Variants in KDM1B observed in about 807,000 individuals in gnomAD.
KDM1B encodes lysine demethylase 1B.
Under a neutral mutation model 107.4 loss-of-function variants are expected in KDM1B, and 63 were observed. The ratio of observed to expected loss-of-function variants is 0.59; its 90% CI spans 0.48 to 0.72. KDM1B has a LOEUF of 0.72. Among genes scored for constraint, KDM1B ranks in the 30% least tolerant of loss-of-function variants. The probability of loss-of-function intolerance (pLI) is 0.00; values close to 1 mark genes in which losing one functional copy is unlikely to be tolerated. For missense variants in KDM1B, 749 were observed against 1,020.8 expected (o/e 0.73, Z 3.63); for synonymous variants, 363 against 363.9 (o/e 1.00, Z 0.03).
intron 12 of KDM1B, among the ~76,000 whole-genome samples, chr6:18,199,008 GAAAAAAAAAAAAA>G (rs70974711): frequency 8.0e-5 from 6 of 74,696 alleles, no homozygotes; most frequent in South Asian, 4.7e-4. Flanking sequence ...GTCTCTACCA[GAAAAAAAAAAAAA>G]AAAAAAAAAA....
chr6:18,178,212 A>C (rs1033151584), intron 7 of KDM1B, among the ~76,000 whole-genome samples: 1 of 151,722 alleles, frequency 6.6e-6, no homozygotes, highest in Non-Finnish European at 1.5e-5. Context: ...CCTCCTGAGT[A>C]GCTGGGATTA....
chr6:18,175,709 A>G (rs1046989091), intron 7 of KDM1B, among the ~76,000 whole-genome samples: 2 of 152,128 alleles, frequency 1.3e-5, no homozygotes, highest in Admixed American at 6.6e-5. Context: ...TCCCAGCACC[A>G]TTTGTTGTAA....
Position 18,197,662 on chromosome 6 carries a change from G to A in KDM1B, c.1221+1G>A. 6.2e-7 allele frequency: 1 copy of A among 1,613,216 alleles called. No individual in the cohort carries two copies. Among genetic ancestry groups the A allele is most frequent in the Non-Finnish European group, 8.5e-7 (1 of 1,179,250 alleles). ...GCAACTGCATAACTTTGGAATTAAG[G>A]TAGGATTTTGGGGACATGGAGTTAG... On this transcript the variant is annotated splice_donor_variant, in intron 12 of 21. Coordinates refer to ENST00000650836, the MANE Select transcript of KDM1B (RefSeq NM_001364614.2). LOFTEE classifies it high-confidence loss of function. This position sits in a 1 kb window ranked among gnomAD's most constrained non-coding sequence, Gnocchi z 4.5.
chr6:18,213,634 C>A lies in KDM1B; in HGVS notation c.1984-22C>A, dbSNP rs773388203. The stretch of plus-strand genomic sequence containing the variant: ...TTTGTGACGACAGACACCTAACCAC[C>A]TTTCTTCTGCTCACTTTGCAGATTG... On this transcript the variant is annotated intron_variant, in intron 18 of 21. Coordinates refer to ENST00000650836, the MANE Select transcript of KDM1B (RefSeq NM_001364614.2). This position sits in a 1 kb window ranked among gnomAD's most constrained non-coding sequence, Gnocchi z 5.9. 11 of 1,613,736 alleles carry A rather than the reference C, an allele frequency of 6.8e-6. No individual in the cohort carries two copies. The highest frequency in any genetic ancestry group is 9.3e-6 in the Non-Finnish European group (11 of 1,179,774).
At chr6:18,198,109 C>T (rs764759975) in intron 12 of KDM1B, among the ~76,000 whole-genome samples, 3 of 151,656 alleles carry the variant, frequency 2.0e-5, no homozygotes, top group East Asian at 1.9e-4. Context: ...TTGGCCAGGC[C>T]GGTCTTGAAC....
chr6:18,185,506 T>C (rs1042074928), intron 7 of KDM1B, among the ~76,000 whole-genome samples: 1 of 152,178 alleles, frequency 6.6e-6, no homozygotes, highest in Admixed American at 6.6e-5. Flanking sequence ...TTCACTATTT[T>C]GGCCAGGCTG....
At chr6:18,183,274 T>TTTG (rs1786607652) in intron 7 of KDM1B, among the ~76,000 whole-genome samples, 1 of 142,860 alleles carries the variant, frequency 7.0e-6, no homozygotes, top group Non-Finnish European at 1.5e-5. Flanking sequence ...TTTTTTTTTT[T>TTTG]TTTTTTTTTT....
At chr6:18,156,645 A>G (rs1784629529) in intron 2 of KDM1B, among the ~76,000 whole-genome samples, 1 of 152,080 alleles carries the variant, frequency 6.6e-6, no homozygotes, top group Non-Finnish European at 1.5e-5. Context: ...TGAATATTGA[A>G]TAATTCAATA....
chr6:18,220,660 C>T (rs1282953039), intron 21 of KDM1B, among the ~76,000 whole-genome samples: 1 of 152,234 alleles, frequency 6.6e-6, no homozygotes, highest in Non-Finnish European at 1.5e-5. Context: ...CAACAAATGT[C>T]AGCAGCTTCG....
At chr6:18,192,376 T>G (rs1292937124) in intron 10 of KDM1B, among the ~76,000 whole-genome samples, 1 of 152,222 alleles carries the variant, frequency 6.6e-6, no homozygotes, top group Non-Finnish European at 1.5e-5. Flanking sequence ...CAAAGTGATC[T>G]TGACTAAAGA....
chr6:18,207,621 G>A (rs1192584436), intron 16 of KDM1B, 92 bp downstream of exon 16: 2 of 1,514,154 alleles, frequency 1.3e-6, no homozygotes, highest in Non-Finnish European at 1.8e-6. Flanking sequence ...AATGGGGCTG[G>A]CTTTGGTGTT....
At chr6:18,208,788 G>T (rs2151006838) in intron 17 of KDM1B, among the ~76,000 whole-genome samples, 1 of 147,314 alleles carries the variant, frequency 6.8e-6, no homozygotes, top group Non-Finnish European at 1.5e-5. Context: ...GGGACTACAG[G>T]CACCCGCCAT....
In KDM1B at chr6:18,155,536, C is replaced by T. The variant is rs1018578347; in HGVS notation, c.-93C>T. ...GCGGCTCCGGAGAGGCGCCCGCAGT[C>T]CAGGGCGGCGCGCACCGCCTCGCTG... On this transcript the variant is annotated 5_prime_UTR_variant, in exon 1 of 22. Transcript: ENST00000650836. This position sits in a 1 kb window ranked among gnomAD's most constrained non-coding sequence, Gnocchi z 6.2. 1 of 152,750 alleles carries T rather than the reference C, an allele frequency of 6.5e-6. No individual in the cohort carries two copies. The highest frequency in any genetic ancestry group is 2.4e-5 in the African/African-American group (1 of 41,384). 9.5% of individuals were successfully genotyped at this position (152,750 alleles called of 1,614,324 possible).
chr6:18,207,115 A>AT (rs1285477829), intron 15 of KDM1B, among the ~76,000 whole-genome samples: 5 of 152,188 alleles, frequency 3.3e-5, no homozygotes, highest in Middle Eastern at 3.2e-3. Flanking sequence ...CCCTCATAGA[A>AT]TTCTACTTTG....
intron 8 of KDM1B, among the ~76,000 whole-genome samples, chr6:18,187,410 G>A (rs1329468071): frequency 6.6e-6 from 1 of 152,044 alleles, no homozygotes; most frequent in Non-Finnish European, 1.5e-5. Flanking sequence ...AAAGGCGGGG[G>A]GCTTGAATGA....
chr6:18,193,696 T>C (rs1257371779), intron 10 of KDM1B, among the ~76,000 whole-genome samples: 1 of 152,004 alleles, frequency 6.6e-6, no homozygotes, highest in African/African-American at 2.4e-5. Flanking sequence ...TTCTTGAATA[T>C]TTGGTTCTGG....
chr6:18,216,552 GCT>G (rs1561957908), intron 20 of KDM1B, among the ~76,000 whole-genome samples: 1 of 152,038 alleles, frequency 6.6e-6, no homozygotes, highest in East Asian at 1.9e-4. Flanking sequence ...AATTACAGTC[GCT>G]CTCTCTTACT....
Position 18,205,812 on chromosome 6 carries a change from T to A in KDM1B, c.1659+148T>A. The A allele has an allele frequency of 1.5e-6, 1 of 684,874 alleles. No individual in the cohort carries two copies. Among genetic ancestry groups the A allele is most frequent in the African/African-American group, 1.9e-5 (1 of 52,184 alleles). 42.4% of individuals were successfully genotyped at this position (684,874 alleles called of 1,614,324 possible). A position where few individuals can be genotyped will look rare whatever the true frequency, so the allele number is the denominator to read the frequency against. On this transcript the variant is annotated intron_variant, in intron 15 of 21. Transcript: ENST00000650836. The surrounding 1 kb of genome is among the most constrained non-coding windows in gnomAD (Gnocchi z 5.7). The stretch of plus-strand genomic sequence containing the variant: ...ATCGAGACCATCCTGGCCAACATGG[T>A]GAAACCCTGTCTCTACTAAAATACA...
chr6:18,163,932 GTTGA>G (rs1247515683), intron 5 of KDM1B, among the ~76,000 whole-genome samples: 2 of 149,936 alleles, frequency 1.3e-5, no homozygotes, highest in African/African-American at 4.9e-5. Flanking sequence ...ACTAGACCAA[GTTGA>G]TTGATAGTGC....
Sources: gnomAD v4.1 joint callset for allele counts (sites outside exome capture counted in the v4.1 genomes callset) on GRCh38, gnomAD v4.1.1 for gene constraint, Gnocchi (gnomAD v3.1) non-coding constraint, MANE v1.5 for transcripts, NCBI Gene and HGNC (gene_info 2026-07-23, HGNC 2026-07-21) for gene names.